Variants in SYCP1 observed in about 807,000 individuals in gnomAD.
SYCP1 encodes cancer/testis antigen 8.
A neutral mutation model predicts 153.1 loss-of-function variants in SYCP1; 64 were observed. The ratio of observed to expected loss-of-function variants is 0.42; its 90% CI spans 0.34 to 0.51. The LOEUF is 0.51. Among genes scored for constraint, SYCP1 ranks in the 20% least tolerant of loss-of-function variants. SYCP1 has a pLI of 0.06. For synonymous variants in SYCP1, 384 were observed against 341.8 expected, an observed-to-expected ratio of 1.12 and a Z score of -1.36; for missense variants, 997 against 1,049.0, an observed-to-expected ratio of 0.95 and a Z score of 0.68.
intron 15 of SYCP1, among the ~76,000 whole-genome samples, chr1:114,894,568 AAG>A (rs775989900): frequency 2.6e-5 from 4 of 152,168 alleles, no homozygotes; most frequent in Non-Finnish European, 5.9e-5. Flanking sequence ...GAACTGTAGA[AAG>A]AAAAACATTG....
chr1:114,906,048 C>A (rs1661718171), intron 16 of SYCP1, among the ~76,000 whole-genome samples: 1 of 152,006 alleles, frequency 6.6e-6, no homozygotes, highest in Non-Finnish European at 1.5e-5. Flanking sequence ...TCACTGCAAC[C>A]TACACCTCCT....
In SYCP1 at chr1:114,886,200, A is replaced by G. The variant is rs1666286764; in HGVS notation, c.1081A>G (p.Thr361Ala). The change falls in exon 14 of 32, where the codon ACT becomes GCT. Residue 361 changes from threonine (T) to alanine (A), a missense_variant. Coordinates refer to ENST00000369522, the MANE Select transcript of SYCP1 (RefSeq NM_003176.4). The part of the protein sequence containing the change: ...TICQLTEEKE[T>A]QMEESNKARA... ...TTGTCAGCTAACTGAAGAAAAAGAA[A>G]CTCAAATGGAAGAATCTAATAAAGC... is the stretch of plus-strand genomic sequence containing the variant. 11 of 1,612,088 alleles carry G rather than the reference A, an allele frequency of 6.8e-6. No individual in the cohort carries two copies. Among genetic ancestry groups the G allele is most frequent in the African/African-American group, 2.7e-5 (2 of 74,934 alleles).
At chr1:114,887,075 T>C (rs1666361925) in intron 14 of SYCP1, among the ~76,000 whole-genome samples, 1 of 152,052 alleles carries the variant, frequency 6.6e-6, no homozygotes, top group Admixed American at 6.5e-5. Context: ...TCTCTGTTGC[T>C]TGTGCATGGT....
chr1:114,909,622 T>C (rs1668052691), intron 16 of SYCP1, among the ~76,000 whole-genome samples: 1 of 151,998 alleles, frequency 6.6e-6, no homozygotes, highest in Non-Finnish European at 1.5e-5. Context: ...TATAGTGACA[T>C]ACTGAAAGCT....
intron 30 of SYCP1, among the ~76,000 whole-genome samples, chr1:114,993,471 C>T (rs753897184): frequency 1.3e-5 from 2 of 151,578 alleles, no homozygotes; most frequent in Non-Finnish European, 3.0e-5. Flanking sequence ...TTTCCTTCCA[C>T]CTCTTCCTAG....
intron 16 of SYCP1, among the ~76,000 whole-genome samples, chr1:114,905,862 T>A (rs1016074666): frequency 1.3e-5 from 2 of 152,234 alleles, no homozygotes; most frequent in Non-Finnish European, 2.9e-5. Flanking sequence ...TTTCTGTGCA[T>A]AGAATTTTTT....
intron 27 of SYCP1, among the ~76,000 whole-genome samples, chr1:114,969,484 C>T (rs1672340685): frequency 6.6e-6 from 1 of 152,158 alleles, no homozygotes; most frequent in Non-Finnish European, 1.5e-5. Flanking sequence ...GTGGACTCCC[C>T]TCCACCTCCC....
chr1:114,872,690 AT>A (rs1243399600), intron 8 of SYCP1, among the ~76,000 whole-genome samples: 2 of 151,690 alleles, frequency 1.3e-5, no homozygotes, highest in Admixed American at 6.6e-5. Flanking sequence ...CAGTTCTTGG[AT>A]ATTCTGTTCT....
chr1:114,859,677 G>A, intron 6 of SYCP1, 66 bp from the exon 7 acceptor site: 1 of 841,576 alleles, frequency 1.2e-6, no homozygotes, highest in East Asian at 9.9e-5. Flanking sequence ...ACTGCTTAAT[G>A]ATTATATTCG....
At chr1:114,936,754 C>G (rs1177640392) in intron 23 of SYCP1, among the ~76,000 whole-genome samples, 1 of 151,446 alleles carries the variant, frequency 6.6e-6, no homozygotes, top group Non-Finnish European at 1.5e-5. Context: ...TCCTATACAC[C>G]AATAACGGAG....
intron 8 of SYCP1, among the ~76,000 whole-genome samples, chr1:114,869,018 A>AT (rs756378286): frequency 3.6e-4 from 55 of 151,820 alleles, no homozygotes; most frequent in Non-Finnish European, 6.6e-4. Flanking sequence ...TAAAATATTG[A>AT]TTTTCTGTTT....
rs750591776 is a variant in SYCP1 at position 114,856,580 on chromosome 1, A to T, written c.116A>T (p.Asn39Ile). ...ACTTCTTTGTGTCTCTAGAGTTTCAACAAATGTACTGAAGATGATTTTGAG... is the reference window on the plus strand; with the variant it reads ...ACTTCTTTGTGTCTCTAGAGTTTCATCAAATGTACTGAAGATGATTTTGAG... The part of the protein sequence containing the change: ...GGDSTFFKSF[N>I]KCTEDDFEFP... Residue 39 changes from asparagine to isoleucine, a missense_variant, in exon 3 of 32, where the codon AAC (asparagine) becomes ATC (isoleucine). By Grantham distance (149) the Asn-to-Ile change is moderately radical. Around this residue, in one of 2 missense-constraint regions of SYCP1, gnomAD observed 285 missense variants for 366.1 expected, o/e 0.78. Coordinates refer to ENST00000369522, the MANE Select transcript of SYCP1 (RefSeq NM_003176.4). 3.1e-6 allele frequency: 5 copies of T among 1,609,668 alleles called. No individual in the cohort carries two copies. The East Asian group carries it at 6.7e-5, about 22-fold the overall frequency.
At chr1:114,977,766 TCAA>T in intron 28 of SYCP1, 150 bp downstream of exon 28, 1 of 520,722 alleles carries the variant, frequency 1.9e-6, no homozygotes, top group South Asian at 3.6e-5. Context: ...ATTTATTAAT[TCAA>T]AAGCATTTTA....
At chr1:114,945,765 G>C (rs1670666362) in intron 25 of SYCP1, among the ~76,000 whole-genome samples, 2 of 142,952 alleles carry the variant, frequency 1.4e-5, no homozygotes, top group African/African-American at 2.5e-5. Flanking sequence ...AATGTTTAAG[G>C]CTTCTTTTTT....
intron 16 of SYCP1, among the ~76,000 whole-genome samples, chr1:114,909,320 A>C (rs1668023098): frequency 6.6e-6 from 1 of 152,016 alleles, no homozygotes; most frequent in Non-Finnish European, 1.5e-5. Flanking sequence ...ACTGCTTAGC[A>C]GTGACATTTC....
At chr1:114,885,914 G>A (rs1007379241) in intron 13 of SYCP1, among the ~76,000 whole-genome samples, 1 of 152,180 alleles carries the variant, frequency 6.6e-6, no homozygotes, top group African/African-American at 2.4e-5. Context: ...GGCTAGGAAG[G>A]CTCCATGGAG....
intron 23 of SYCP1, among the ~76,000 whole-genome samples, chr1:114,941,166 T>A (rs1021752629): frequency 6.6e-6 from 1 of 152,104 alleles, no homozygotes; most frequent in Non-Finnish European, 1.5e-5. Context: ...GAGTTTCATA[T>A]CCTGTGGATA....
chr1:114,942,912 A>T (rs1670475743), intron 23 of SYCP1, among the ~76,000 whole-genome samples: 1 of 151,974 alleles, frequency 6.6e-6, no homozygotes, highest in Admixed American at 6.6e-5. Context: ...TACATATATA[A>T]AGAACAAAGG....
intron 27 of SYCP1, among the ~76,000 whole-genome samples, chr1:114,968,181 TC>T (rs1280383451): frequency 6.6e-6 from 1 of 152,178 alleles, no homozygotes; most frequent in African/African-American, 2.4e-5. Flanking sequence ...TCTAGGAGTA[TC>T]TTTGTGGTGT....
Sources: gnomAD v4.1 joint callset for allele counts (sites outside exome capture counted in the v4.1 genomes callset) on GRCh38, gnomAD v4.1.1 for gene constraint, gnomAD v4.1.1 regional missense constraint, MANE v1.5 for transcripts, NCBI Gene and HGNC (gene_info 2026-07-23, HGNC 2026-07-21) for gene names.